The following XIRP2 variants were observed in gnomAD, a reference collection of about 807,000 sequenced individuals.
The protein encoded by XIRP2 is xin actin binding repeat containing 2, also known as xin actin-binding repeat-containing protein 2.
Under a neutral mutation model 277.0 loss-of-function variants are expected in XIRP2, and 236 were observed. That is an observed-to-expected ratio of 0.85 (90% confidence interval 0.77 to 0.95). XIRP2 has a LOEUF of 0.95. Among genes scored for constraint, XIRP2 ranks in the 40% least tolerant of loss-of-function variants. The pLI is 0.00. For missense variants in XIRP2, 4,640 were observed against 4,157.5 expected (o/e 1.12, Z -3.19); for synonymous variants, 1,490 against 1,416.5 (o/e 1.05, Z -1.17).
chr2:167,153,724 A>C (rs1194931787), intron 3 of XIRP2, among the ~76,000 whole-genome samples: 144 of 151,864 alleles, frequency 9.5e-4, no homozygotes, highest in Middle Eastern at 3.4e-3. Context: ...CATGTCCCTA[A>C]AAAGGACATG....
intron 2 of XIRP2, among the ~76,000 whole-genome samples, chr2:167,052,663 T>C (rs1688944136): frequency 6.6e-6 from 1 of 152,140 alleles, no homozygotes. Flanking sequence ...TTATAATAAA[T>C]TTGTACTGCT....
rs775618488 is a variant in XIRP2, at chr2:167,250,024, G to A, written c.8632G>A (p.Glu2878Lys). 4.3e-6 allele frequency: 7 copies of A among 1,613,508 alleles called. No homozygotes were observed. The highest frequency in any genetic ancestry group is 3.4e-6 in the Non-Finnish European group (4 of 1,179,644). ...TCAGCAAACACAAATACAGACCGCTGAAAGTAAAGCTGAACATAAAAAATT... is the reference window on the plus strand; with the variant it reads ...TCAGCAAACACAAATACAGACCGCTAAAAGTAAAGCTGAACATAAAAAATT... ...NFQQTQIQTA[E>K]SKAEHKKLPQ... Residue 2878 changes from glutamate to lysine, a missense_variant, in exon 9 of 11, where the codon GAA becomes AAA. By Grantham distance (56) the Glu-to-Lys change is moderately conservative. Coordinates refer to ENST00000409195, the MANE Select transcript of XIRP2 (RefSeq NM_152381.6).
intron 2 of XIRP2, among the ~76,000 whole-genome samples, chr2:166,918,960 G>A (rs894395764): frequency 3.3e-5 from 5 of 152,050 alleles, no homozygotes; most frequent in Non-Finnish European, 5.9e-5. Context: ...GAACTTAGAA[G>A]TATGTAATCT....
chr2:167,048,380 A>G (rs993115496), intron 2 of XIRP2, among the ~76,000 whole-genome samples: 1 of 151,988 alleles, frequency 6.6e-6, no homozygotes, highest in African/African-American at 2.4e-5. Context: ...TATAGAGATC[A>G]CAGCTCTCTT....
intron 4 of XIRP2, among the ~76,000 whole-genome samples, chr2:167,212,116 A>G (rs2105391081): frequency 6.6e-6 from 1 of 152,370 alleles, no homozygotes; most frequent in South Asian, 2.1e-4. Flanking sequence ...AGGTTTTCAC[A>G]TAGTCATTAA....
intron 2 of XIRP2, among the ~76,000 whole-genome samples, chr2:167,014,961 T>C (rs1687781098): frequency 6.6e-6 from 1 of 151,802 alleles, no homozygotes; most frequent in Non-Finnish European, 1.5e-5. Context: ...CTCACCTCCT[T>C]GTGCAGGTCA....
chr2:167,078,217 A>G (rs1412335825), intron 2 of XIRP2, among the ~76,000 whole-genome samples: 1 of 152,002 alleles, frequency 6.6e-6, no homozygotes, highest in East Asian at 1.9e-4. Flanking sequence ...ATTCCTAGGT[A>G]TTTTATTTGT....
At chr2:167,020,306 T>C (rs1408586102) in intron 2 of XIRP2, among the ~76,000 whole-genome samples, 2 of 151,996 alleles carry the variant, frequency 1.3e-5, no homozygotes, top group African/African-American at 4.8e-5. Context: ...AAATAATATG[T>C]TTATATACTA....
intron 9 of XIRP2, 102 bp from the exon 10 acceptor site, chr2:167,253,930 C>A: frequency 7.4e-7 from 1 of 1,345,324 alleles, no homozygotes; most frequent in Non-Finnish European, 1.0e-6. Context: ...AGCTTTTCTA[C>A]TTTAACCGCA....
chr2:167,239,213 A>G (rs1234293576), intron 5 of XIRP2, among the ~76,000 whole-genome samples: 1 of 152,192 alleles, frequency 6.6e-6, no homozygotes, highest in Non-Finnish European at 1.5e-5. Flanking sequence ...ATATTTTTTC[A>G]GGCTCATCTT....
chr2:167,159,614 G>T (rs1408432887), intron 3 of XIRP2, among the ~76,000 whole-genome samples: 2 of 152,134 alleles, frequency 1.3e-5, no homozygotes, highest in African/African-American at 2.4e-5. Context: ...TTCTGACCAT[G>T]AGACATTGGG....
chr2:166,930,178 C>T (rs538765550), intron 2 of XIRP2, among the ~76,000 whole-genome samples: 1 of 152,088 alleles, frequency 6.6e-6, no homozygotes, highest in Non-Finnish European at 1.5e-5. Context: ...TAACATAAGG[C>T]ACTTCCATTT....
At chr2:167,081,282 A>C (rs1689725266) in intron 2 of XIRP2, among the ~76,000 whole-genome samples, 1 of 152,158 alleles carries the variant, frequency 6.6e-6, no homozygotes, top group South Asian at 2.1e-4. Flanking sequence ...CCTGGGCAAC[A>C]CAGCAAGACC....
chr2:167,124,071 C>T (rs1691131371), intron 2 of XIRP2: 1 of 152,018 alleles, frequency 6.6e-6, no homozygotes, highest in Non-Finnish European at 1.5e-5. Context: ...GCATTCTCTT[C>T]CCTGGAAATG....
At chr2:167,151,603 A>G (rs1692017928) in intron 3 of XIRP2, among the ~76,000 whole-genome samples, 1 of 152,108 alleles carries the variant, frequency 6.6e-6, no homozygotes, top group Non-Finnish European at 1.5e-5. Flanking sequence ...TGAATTCCCA[A>G]CTTTTATTGT....
intron 2 of XIRP2, among the ~76,000 whole-genome samples, chr2:167,133,943 G>T (rs1217129838): frequency 1.3e-5 from 2 of 152,022 alleles, no homozygotes; most frequent in African/African-American, 4.8e-5. Context: ...GGAAACACAT[G>T]TTAAAGGGAA....
chr2:167,070,596 A>G (rs922467241), intron 2 of XIRP2, among the ~76,000 whole-genome samples: 10 of 152,342 alleles, frequency 6.6e-5, no homozygotes, highest in African/African-American at 2.4e-4. Flanking sequence ...AAATGGCCAT[A>G]GTAGCTCAAA....
chr2:166,963,917 G>A (rs1468607355), intron 2 of XIRP2, among the ~76,000 whole-genome samples: 4 of 151,870 alleles, frequency 2.6e-5, no homozygotes, highest in Admixed American at 6.6e-5. Flanking sequence ...GACAGTGTTC[G>A]GAGATAATTA....
chr2:167,223,441 T>C (rs933765575), intron 5 of XIRP2, among the ~76,000 whole-genome samples: 2 of 152,184 alleles, frequency 1.3e-5, no homozygotes, highest in African/African-American at 4.8e-5. Flanking sequence ...AATTAAAATG[T>C]AAATGCTAGG....
Sources: allele counts gnomAD v4.1 joint callset (sites outside exome capture counted in the v4.1 genomes callset), GRCh38; gene constraint gnomAD v4.1.1; transcripts MANE v1.5; gene names NCBI Gene and HGNC (gene_info 2026-07-23, HGNC 2026-07-21).